The following ZBTB8B variants were observed in gnomAD, a reference collection of about 807,000 sequenced individuals.
The protein encoded by ZBTB8B is zinc finger and BTB domain containing 8B, also known as zinc finger and BTB domain-containing protein 8B.
ZBTB8B carries 17 observed loss-of-function variants against 30.3 expected under a neutral mutation model. The ratio of observed to expected loss-of-function variants is 0.56; its 90% CI spans 0.38 to 0.84. The LOEUF is 0.84. Among genes scored for constraint, ZBTB8B ranks in the 40% least tolerant of loss-of-function variants. ZBTB8B has a pLI of 0.00. For synonymous variants in ZBTB8B, 248 were observed against 255.6 expected, an observed-to-expected ratio of 0.97 and a Z score of 0.28; for missense variants, 515 against 644.9, an observed-to-expected ratio of 0.80 and a Z score of 2.18.
chr1:32,475,888 G>T (rs1643661648), intron 2 of ZBTB8B, among the ~76,000 whole-genome samples: 1 of 150,384 alleles, frequency 6.6e-6, no homozygotes, highest in Non-Finnish European at 1.5e-5. Context: ...TGCCATCTCG[G>T]CTGACTGCAA....
chr1:32,496,392 T>G lies in ZBTB8B; in HGVS notation c.*10974T>G, dbSNP rs1286586685. On this transcript the variant is annotated 3_prime_UTR_variant, in exon 4 of 4. Coordinates refer to ENST00000609129, the MANE Select transcript of ZBTB8B (RefSeq NM_001145720.2). ...AACAGAAACTGACTTTATCTTTGCC[T>G]GCCAAGTTTGCAAATGGATTAGTTC... The G allele has an allele frequency of 4.6e-5, 7 of 152,216 alleles. No individual in the cohort carries two copies. The allele number at this position is 152,216 out of a possible 1,614,324, so 9.4% of individuals were successfully genotyped here.
intron 3 of ZBTB8B, among the ~76,000 whole-genome samples, chr1:32,483,380 G>T (rs1354577304): frequency 6.6e-6 from 1 of 151,632 alleles, no homozygotes; most frequent in Non-Finnish European, 1.5e-5. Flanking sequence ...AGCCGAGATC[G>T]GGCCACTGCT....
At position 32,491,689 on chromosome 1, in the gene ZBTB8B, A is replaced by G. The variant is rs527339556; in HGVS notation, c.*6271A>G. Reference sequence around the variant, plus strand: ...TCCCTATAAAAGACATGCCTGTTCCAAGCGTCACTGTACTTAGGGATGCCC... The same window carrying G: ...TCCCTATAAAAGACATGCCTGTTCCGAGCGTCACTGTACTTAGGGATGCCC... On this transcript the variant is annotated 3_prime_UTR_variant, in exon 4 of 4. Transcript: ENST00000609129. 26 of 152,356 alleles carry G rather than the reference A, an allele frequency of 1.7e-4. No homozygotes were observed. Among genetic ancestry groups the G allele is most frequent in the African/African-American group, 6.3e-4 (26 of 41,582 alleles). 9.4% of individuals were successfully genotyped at this position (152,356 alleles called of 1,614,324 possible). A position where few individuals can be genotyped will look rare whatever the true frequency, so the allele number is the denominator to read the frequency against.
At chr1:32,480,827 C>T (rs1643698179) in intron 2 of ZBTB8B, 64 bp from the exon 3 acceptor site, 4 of 1,445,182 alleles carry the variant, frequency 2.8e-6, no homozygotes, top group South Asian at 1.5e-5. Flanking sequence ...TCCCATCCAC[C>T]GGCGGGTAGC....
At chr1:32,476,460 C>A (rs1397538178) in intron 2 of ZBTB8B, among the ~76,000 whole-genome samples, 1 of 152,148 alleles carries the variant, frequency 6.6e-6, no homozygotes, top group Non-Finnish European at 1.5e-5. Flanking sequence ...TCCTCTCCAC[C>A]TCCACAACTA....
intron 2 of ZBTB8B, 50 bp from the exon 3 acceptor site, chr1:32,480,841 G>A: frequency 6.7e-7 from 1 of 1,491,230 alleles, no homozygotes. Context: ...GGGTAGCCAG[G>A]GTTGGTCACT....
chr1:32,479,902 AG>A (rs1643691936), intron 2 of ZBTB8B, among the ~76,000 whole-genome samples: 1 of 152,364 alleles, frequency 6.6e-6, no homozygotes, highest in African/African-American at 2.4e-5. Context: ...TGATGATTTC[AG>A]ATATATAGAG....
chr1:32,474,265 G>A (rs1643644930), intron 2 of ZBTB8B, among the ~76,000 whole-genome samples: 1 of 135,566 alleles, frequency 7.4e-6, no homozygotes, highest in African/African-American at 2.7e-5. Flanking sequence ...CCAGCATTTT[G>A]AGAGGCCAAG....
Position 32,492,316 on chromosome 1 carries a change from TTTTA to T in ZBTB8B, c.*6899_*6902del. 6.3e-6 allele frequency: 1 copy of T among 159,880 alleles called. No homozygotes were observed. Among genetic ancestry groups the T allele is most frequent in the East Asian group, 1.8e-4 (1 of 5,580 alleles). 9.9% of individuals were successfully genotyped at this position (159,880 alleles called of 1,614,324 possible). ...CGTGCCTTTTTTTTTTTTTTTTTTT[TTTTA>T]AAGATGGAGTTTCACTCTTGTTGCC... On this transcript the variant is annotated 3_prime_UTR_variant, in exon 4 of 4. Transcript: ENST00000609129.
At chr1:32,479,178 GATATGA>G (rs1643685439) in intron 2 of ZBTB8B, among the ~76,000 whole-genome samples, 3 of 152,102 alleles carry the variant, frequency 2.0e-5, no homozygotes, top group African/African-American at 7.2e-5. Flanking sequence ...GATATGATAT[GATATGA>G]TATGATATGA....
intron 2 of ZBTB8B, among the ~76,000 whole-genome samples, chr1:32,477,126 C>G (rs926684916): frequency 6.6e-6 from 1 of 152,108 alleles, no homozygotes; most frequent in Non-Finnish European, 1.5e-5. Context: ...TCCTGTTCAT[C>G]TTTTAAAACC....
At chr1:32,475,622 C>T (rs1052496945) in intron 2 of ZBTB8B, among the ~76,000 whole-genome samples, 4 of 151,886 alleles carry the variant, frequency 2.6e-5, no homozygotes, top group African/African-American at 4.8e-5. Context: ...ATGTAAATGA[C>T]GTCACATGCT....
At chr1:32,475,887 G>A (rs960735353) in intron 2 of ZBTB8B, among the ~76,000 whole-genome samples, 11 of 147,794 alleles carry the variant, frequency 7.4e-5, no homozygotes, top group Non-Finnish European at 1.0e-4. Context: ...GTGCCATCTC[G>A]GCTGACTGCA....
Position 32,484,483 on chromosome 1 carries a change from G to A in ZBTB8B, c.1171-618G>A, listed in dbSNP as rs1176386090. Among the ~76,000 whole-genome samples, 1 of 152,190 alleles carries A rather than the reference G, an allele frequency of 6.6e-6. No individual in the cohort carries two copies. The highest frequency in any genetic ancestry group is 1.5e-5 in the Non-Finnish European group (1 of 68,030). On this transcript the variant is annotated intron_variant, in intron 3 of 3. Coordinates refer to ENST00000609129, the MANE Select transcript of ZBTB8B (RefSeq NM_001145720.2). This position sits in a 1 kb window ranked among gnomAD's most constrained non-coding sequence, Gnocchi z 4.5. ...GGTGAAGGGTTGATGATGGGCAGAAGGGAATGTCCCACATGTGTCCGGTGG... is the reference window on the plus strand; with the variant it reads ...GGTGAAGGGTTGATGATGGGCAGAAAGGAATGTCCCACATGTGTCCGGTGG...
chr1:32,486,718 G>T lies in ZBTB8B; in HGVS notation c.*1300G>T, dbSNP rs1472294529. The T allele has an allele frequency of 1.3e-5, 2 of 152,162 alleles. No individual in the cohort carries two copies. The highest frequency in any genetic ancestry group is 4.8e-5 in the African/African-American group (2 of 41,428). The allele number at this position is 152,162 out of a possible 1,614,324, so 9.4% of individuals were successfully genotyped here. On this transcript the variant is annotated 3_prime_UTR_variant, in exon 4 of 4. Coordinates refer to ENST00000609129, the MANE Select transcript of ZBTB8B (RefSeq NM_001145720.2). ...ACCCTCCCACCACCGCCCTGTTTTA[G>T]CTAGTCCTCAATTTGGTCCATGTCC...
rs1010992900 is a variant in ZBTB8B at position 32,485,543 on chromosome 1, C to G, written c.*125C>G. On this transcript the variant is annotated 3_prime_UTR_variant, in exon 4 of 4. Transcript: ENST00000609129. The stretch of plus-strand genomic sequence containing the variant: ...CATTTTTTCACTGTTATTATATGTG[C>G]ATTTTTATTAGACTATCTGATAGAG... The G allele has an allele frequency of 1.0e-6, 1 of 963,008 alleles. No individual in the cohort carries two copies. The highest frequency in any genetic ancestry group is 1.7e-5 in the African/African-American group (1 of 60,556). 59.7% of individuals were successfully genotyped at this position (963,008 alleles called of 1,614,324 possible).
rs1643784916 is a variant in ZBTB8B, at chr1:32,492,347, G to C, written c.*6929G>C. ...AGATGGAGTTTCACTCTTGTTGCCAGGCTGGAGTGCAGTGGTGCAATCTCG... is the reference window on the plus strand; with the variant it reads ...AGATGGAGTTTCACTCTTGTTGCCACGCTGGAGTGCAGTGGTGCAATCTCG... On this transcript the variant is annotated 3_prime_UTR_variant, in exon 4 of 4. Transcript: ENST00000609129. 2 of 152,220 alleles carry C rather than the reference G, an allele frequency of 1.3e-5. No homozygotes were observed. The highest frequency in any genetic ancestry group is 2.8e-5 in the Non-Finnish European group (2 of 70,924). 9.4% of individuals were successfully genotyped at this position (152,220 alleles called of 1,614,324 possible). A position where few individuals can be genotyped will look rare whatever the true frequency, so the allele number is the denominator to read the frequency against.
chr1:32,492,787 T>G lies in ZBTB8B; in HGVS notation c.*7369T>G, dbSNP rs1463094750. On this transcript the variant is annotated 3_prime_UTR_variant, in exon 4 of 4. Coordinates refer to ENST00000609129, the MANE Select transcript of ZBTB8B (RefSeq NM_001145720.2). ...CAGTGAACCAGCACCATCCCTGCCC[T>G]CAAGGATCCTGCAGTGTGTAATCAC... 2.0e-5 allele frequency: 3 copies of G among 152,232 alleles called. No homozygotes were observed. Among genetic ancestry groups the G allele is most frequent in the African/African-American group, 4.8e-5 (2 of 41,446 alleles). 9.4% of individuals were successfully genotyped at this position (152,232 alleles called of 1,614,324 possible).
chr1:32,472,676 T>C (rs1447596724), intron 2 of ZBTB8B, among the ~76,000 whole-genome samples: 1 of 151,974 alleles, frequency 6.6e-6, no homozygotes, highest in South Asian at 2.1e-4. Flanking sequence ...TGCAACGGTG[T>C]GATCTCGGCT....
Sources: allele counts gnomAD v4.1 joint callset (sites outside exome capture counted in the v4.1 genomes callset), GRCh38; gene constraint gnomAD v4.1.1; non-coding constraint Gnocchi (gnomAD v3.1); transcripts MANE v1.5; gene names NCBI Gene and HGNC (gene_info 2026-07-23, HGNC 2026-07-21).